Variants in CD163L1 observed in about 807,000 individuals in gnomAD.
CD163L1 encodes the protein scavenger receptor cysteine-rich type 1 protein M160.
Under a neutral mutation model 165.4 loss-of-function variants are expected in CD163L1, and 124 were observed. That is an observed-to-expected ratio of 0.75 (90% CI 0.65 to 0.87). CD163L1 has a LOEUF of 0.87. Ranked by LOEUF, CD163L1 falls within the 40% of genes least tolerant of loss-of-function variation. The probability of loss-of-function intolerance (pLI) is 0.00; values close to 1 mark genes in which losing one functional copy is unlikely to be tolerated. For missense variants in CD163L1, 1,525 were observed against 1,799.9 expected (o/e 0.85, Z 2.76); for synonymous variants, 585 against 662.2 (o/e 0.88, Z 1.79).
the CD163L1 span, chr12:7,328,489 T>C: frequency 0.073 from 59,192 of 813,368 alleles, 2,599 homozygotes; most frequent in East Asian, 0.16. Flanking sequence ...GCTTGAAAAC[T>C]CAACTGTTGA....
intron 2 of CD163L1, among the ~76,000 whole-genome samples, chr12:7,434,257 TA>T (rs2136637242): frequency 6.6e-6 from 1 of 152,310 alleles, no homozygotes; most frequent in African/African-American, 2.4e-5. Context: ...TCCATGATTG[TA>T]ATATGCTAGT....
the CD163L1 span, chr12:7,328,476 C>A: frequency 1.1e-6 from 1 of 921,240 alleles, no homozygotes; most frequent in Non-Finnish European, 1.5e-6. Context: ...TAAGATCTTT[C>A]CTGCTTGAAA....
chr12:7,442,927 T>TA (rs1948848733), intron 1 of CD163L1, among the ~76,000 whole-genome samples: 2 of 152,216 alleles, frequency 1.3e-5, no homozygotes, highest in East Asian at 3.9e-4. Context: ...GAAGGAGAAT[T>TA]AAAGTATAAT....
chr12:7,322,309 A>C, the CD163L1 span: 1 of 1,487,210 alleles, frequency 6.7e-7, no homozygotes, highest in Non-Finnish European at 9.3e-7. Context: ...AACTTTGCTA[A>C]GACTTGCCTC....
At position 7,347,512 on chromosome 12, in the gene CD163L1, G is replaced by T. The variant is rs1409811776; in HGVS notation, c.*25-365C>A. On this transcript the variant is annotated intron_variant, in intron 4 of 4. Coordinates refer to the CD163L1 transcript ENST00000539726. This position sits in a 1 kb window ranked among gnomAD's most constrained non-coding sequence, Gnocchi z 4.2. ...GGAATGGTCTCGGCCGGGCGCGGTG[G>T]CTCACGCTTGTAATCCCAGCACTTT... Among the ~76,000 whole-genome samples the T allele has an allele frequency of 6.6e-6, 1 of 152,132 alleles. No homozygotes were observed. Among genetic ancestry groups the T allele is most frequent in the African/African-American group, 2.4e-5 (1 of 41,436 alleles).
At chr12:7,437,126 ATTTAT>A (rs1016070720) in intron 2 of CD163L1, among the ~76,000 whole-genome samples, 6 of 116,164 alleles carry the variant, frequency 5.2e-5, no homozygotes, top group Admixed American at 9.8e-5. Flanking sequence ...ATATATTTTT[ATTTAT>A]TTTATTTATT....
chr12:7,374,802 C>T lies in CD163L1; in HGVS notation c.3094+29G>A, dbSNP rs760938207. The T allele has an allele frequency of 3.1e-6, 5 of 1,614,078 alleles. No individual in the cohort carries two copies. In the South Asian group the frequency reaches 4.4e-5, roughly 14 times the overall value. On this transcript the variant is annotated intron_variant, in intron 12 of 19. Transcript: ENST00000313599. The surrounding 1 kb of genome is among the most constrained non-coding windows in gnomAD (Gnocchi z 5.4). ...TAATAGGTCACATTCTTTAGAGTTG[C>T]AGTGTTTCCTAAAACTGATTCTGCT...
At chr12:7,354,287 T>C (rs1946734146), downstream of CD163L1, among the ~76,000 whole-genome samples, 2 of 152,136 alleles carry the variant, frequency 1.3e-5, no homozygotes, top group African/African-American at 4.8e-5. Context: ...TTGTGGTAGA[T>C]ACTTGTTACT....
chr12:7,390,987 C>T (rs7342411), intron 8 of CD163L1, among the ~76,000 whole-genome samples: 293 of 152,188 alleles, frequency 1.9e-3, no homozygotes, highest in African/African-American at 6.3e-3. Flanking sequence ...GAAACAGCTC[C>T]GGTCTTCAGC....
intron 4 of CD163L1, among the ~76,000 whole-genome samples, chr12:7,420,041 G>A (rs925774945): frequency 5.3e-5 from 8 of 151,974 alleles, no homozygotes; most frequent in Non-Finnish European, 1.0e-4. Context: ...AGAGTACCCA[G>A]AAATAAAGCC....
At chr12:7,337,376 A>G in the CD163L1 span, among the ~76,000 whole-genome samples, 3 of 152,360 alleles carry the variant, frequency 2.0e-5, no homozygotes, top group Non-Finnish European at 2.9e-5. Flanking sequence ...ATCAGAGTGA[A>G]CAGGCAACCT....
the CD163L1 span, among the ~76,000 whole-genome samples, chr12:7,331,533 C>G: frequency 6.6e-6 from 1 of 152,336 alleles, no homozygotes; most frequent in East Asian, 1.9e-4. Flanking sequence ...AGGCACCCCC[C>G]AGTAGGGGCG....
chr12:7,387,361 C>T (rs774551874), intron 8 of CD163L1, among the ~76,000 whole-genome samples: 17 of 152,262 alleles, frequency 1.1e-4, no homozygotes, highest in African/African-American at 3.4e-4. Flanking sequence ...AGAGACATCT[C>T]GTGCTTTTTG....
rs909345627 is a variant in CD163L1 at position 7,400,478 on chromosome 12, T to C, written c.1409-1894A>G. Among the ~76,000 whole-genome samples the C allele has an allele frequency of 4.5e-4, 68 of 152,326 alleles. No homozygotes were observed. The highest frequency in any genetic ancestry group is 1.4e-3 in the African/African-American group (60 of 41,580). On this transcript the variant is annotated intron_variant, in intron 6 of 19. Coordinates refer to ENST00000313599, the MANE Select transcript of CD163L1 (RefSeq NM_174941.6). The surrounding 1 kb of genome is among the most constrained non-coding windows in gnomAD (Gnocchi z 4.1). ...AGGATAACTGGATAGTATAATGATA[T>C]AATTTCTGCACAAATCAAACCAATT...
intron 2 of CD163L1, among the ~76,000 whole-genome samples, chr12:7,434,232 G>A (rs1276754102): frequency 6.6e-6 from 1 of 152,068 alleles, no homozygotes; most frequent in Non-Finnish European, 1.5e-5. Flanking sequence ...CTTGCAGGAG[G>A]AGAAGACCTA....
rs143112361 is a variant in CD163L1, at chr12:7,375,700, G to A, written c.2686C>T (p.Arg896Ter). 541 of 1,613,636 alleles carry A rather than the reference G, an allele frequency of 3.4e-4. No individual in the cohort carries two copies. The highest frequency in any genetic ancestry group is 1.1e-3 in the South Asian group (103 of 91,038). The change falls in exon 10 of 20, where the codon CGA (arginine) becomes TGA (stop). Residue 896 changes from arginine (R) to a stop codon, truncating the protein, a stop_gained and splice_region_variant. Transcript: ENST00000313599. LOFTEE classifies it high-confidence loss of function. ...HSREVGVVCS[R>*]YTDVRLVNGK... ...AATTAAGATTATTTAAAAATCTCAC[G>A]GGAACAGACAACTCCAACTTCTCTG... is the stretch of plus-strand genomic sequence containing the variant.
intron 4 of CD163L1, among the ~76,000 whole-genome samples, chr12:7,415,131 A>G (rs1268115452): frequency 6.6e-6 from 1 of 152,222 alleles, no homozygotes; most frequent in Non-Finnish European, 1.5e-5. Context: ...CAGTTACAGT[A>G]ATTTGTTACT....
intron 19 of CD163L1, among the ~76,000 whole-genome samples, chr12:7,356,510 A>G (rs1353366018): frequency 1.3e-5 from 2 of 152,092 alleles, no homozygotes; most frequent in African/African-American, 4.8e-5. Flanking sequence ...AAATCAGGAG[A>G]TATGACTTAT....
the CD163L1 span, among the ~76,000 whole-genome samples, chr12:7,341,611 G>T: frequency 6.6e-6 from 1 of 152,132 alleles, no homozygotes; most frequent in African/African-American, 2.4e-5. Context: ...CAGCCATTCT[G>T]CTAGGTCACA....
Sources: gnomAD v4.1 joint callset for allele counts (sites outside exome capture counted in the v4.1 genomes callset) on GRCh38, gnomAD v4.1.1 for gene constraint, Gnocchi (gnomAD v3.1) non-coding constraint, MANE v1.5 for transcripts, NCBI Gene and HGNC (gene_info 2026-07-23, HGNC 2026-07-21) for gene names.